The following BTBD19 variants were observed in gnomAD, a reference collection of about 807,000 sequenced individuals.
BTBD19 encodes BTB domain containing 19, also known as BTB/POZ domain-containing protein 19.
A neutral mutation model predicts 36.1 loss-of-function variants in BTBD19; 20 were observed. The ratio of observed to expected loss-of-function variants is 0.55; its 90% confidence interval spans 0.39 to 0.80. The LOEUF is 0.80. Ranked by LOEUF, BTBD19 falls within the 30% of genes least tolerant of loss-of-function variation. The probability of loss-of-function intolerance (pLI) is 0.00; values close to 1 mark genes in which losing one functional copy is unlikely to be tolerated. For missense variants in BTBD19, 325 were observed against 389.8 expected (o/e 0.83, Z 1.40); for synonymous variants, 157 against 174.3 (o/e 0.90, Z 0.78).
downstream of BTBD19, chr1:44,814,227 T>TTTCCTTCCTTCC (rs71587724): frequency 6.5e-5 from 7 of 107,106 alleles, no homozygotes; most frequent in African/African-American, 2.4e-4. Flanking sequence ...TTTCTTTCTC[T>TTTCCTTCCTTCC]TTCCTTCCTT....
Position 44,810,087 on chromosome 1 carries a change from A to C in BTBD19, c.87-126A>C, listed in dbSNP as rs1465665860. ...CTTTGGGTCCCAGACCTTCTGCTGG[A>C]GGGACGAAGCCCTGTCTCTTACATT... On this transcript the variant is annotated intron_variant, in intron 1 of 7. Coordinates refer to ENST00000450269, the Ensembl canonical transcript of BTBD19. The surrounding 1 kb of genome is among the most constrained non-coding windows in gnomAD (Gnocchi z 4.2). 4 of 833,564 alleles carry C rather than the reference A, an allele frequency of 4.8e-6. No homozygotes were observed. Among genetic ancestry groups the C allele is most frequent in the Non-Finnish European group, 5.7e-6 (3 of 523,564 alleles). 51.6% of individuals were successfully genotyped at this position (833,564 alleles called of 1,614,324 possible).
rs115862228 is a variant in BTBD19 at position 44,809,887 on chromosome 1, T to A, written c.87-326T>A. 4.2e-3 allele frequency among the ~76,000 whole-genome samples: 638 copies of A among 152,248 alleles called. 4 individuals carry two copies. Among genetic ancestry groups the A allele is most frequent in the Admixed American group, 6.9e-3 (106 of 15,292 alleles). Reference sequence around the variant, plus strand: ...CTGGGGAGGAGAGGGGAAGGTGGGATCAACCTTGCTTCTATTAGCCCAGAT... The same window carrying A: ...CTGGGGAGGAGAGGGGAAGGTGGGAACAACCTTGCTTCTATTAGCCCAGAT... On this transcript the variant is annotated intron_variant, in intron 1 of 7. Coordinates refer to ENST00000450269, the Ensembl canonical transcript of BTBD19.
chr1:44,811,629 C>T (rs1652418780), intron 3 of BTBD19: 2 of 217,316 alleles, frequency 9.2e-6, no homozygotes, highest in Admixed American at 9.7e-5. Context: ...GTGGAGAGGA[C>T]TCGCTAGTCC....
intron 1 of BTBD19, among the ~76,000 whole-genome samples, chr1:44,809,780 C>G (rs114160820): frequency 0.017 from 2,549 of 152,278 alleles, 69 homozygotes; most frequent in African/African-American, 0.059. Flanking sequence ...ACCCTCCTGT[C>G]TGGAGGAGGG....
chr1:44,813,724 C>T lies in BTBD19; in HGVS notation c.828C>T (p.Gly276=), dbSNP rs1045978209. ...GCGCCCCGTGTCGCCGCCGGAGAGG[C>T]ACCCTGCCCCGGGAGCATCACCGCT... The change falls in exon 8 of 8, where the codon GGC becomes GGT. Residue 276 remains glycine, a synonymous_variant. Transcript: ENST00000450269. This position sits in a 1 kb window ranked among gnomAD's most constrained non-coding sequence, Gnocchi z 7.8. The T allele has an allele frequency of 1.9e-6, 3 of 1,551,412 alleles. No homozygotes were observed. The Admixed American group carries it at 5.9e-5, about 30-fold the overall frequency.
At position 44,810,633 on chromosome 1, in the gene BTBD19, C is replaced by G; in HGVS notation, c.354+26C>G. Reference sequence around the variant, plus strand: ...GTGGGTTTTTGTGCCAGGTCCCTGTCTCATTTCCCTTGCTTCTCACGGGCT... The same window carrying G: ...GTGGGTTTTTGTGCCAGGTCCCTGTGTCATTTCCCTTGCTTCTCACGGGCT... On this transcript the variant is annotated intron_variant, in intron 3 of 7. Coordinates refer to ENST00000450269, the Ensembl canonical transcript of BTBD19. This position sits in a 1 kb window ranked among gnomAD's most constrained non-coding sequence, Gnocchi z 4.2. 2.0e-6 allele frequency: 3 copies of G among 1,521,372 alleles called. No homozygotes were observed. Among genetic ancestry groups the G allele is most frequent in the South Asian group, 1.3e-5 (1 of 79,876 alleles). The allele number at this position is 1,521,372 out of a possible 1,614,324, so 94.2% of individuals were successfully genotyped here. A position where few individuals can be genotyped will look rare whatever the true frequency, so the allele number is the denominator to read the frequency against.
At position 44,813,881 on chromosome 1, in the gene BTBD19, C is replaced by T. The variant is rs1388701502; in HGVS notation, c.*109C>T. On this transcript the variant is annotated 3_prime_UTR_variant, in exon 8 of 8. Transcript: ENST00000450269. The surrounding 1 kb of genome is among the most constrained non-coding windows in gnomAD (Gnocchi z 7.8). ...GGAGCGGGCTTCCGTTCCCAGCGTG[C>T]CCAGTGAGCCGGGCGCCGGAAGAAC... The T allele has an allele frequency of 3.4e-6, 5 of 1,465,100 alleles. No homozygotes were observed. The highest frequency in any genetic ancestry group is 1.4e-5 in the African/African-American group (1 of 71,220). 90.8% of individuals were successfully genotyped at this position (1,465,100 alleles called of 1,614,324 possible).
chr1:44,814,227 T>TTTCCTTCCTTCCTTCC (rs71587724), downstream of BTBD19: 3 of 107,166 alleles, frequency 2.8e-5, no homozygotes, highest in African/African-American at 1.2e-4. Flanking sequence ...TTTCTTTCTC[T>TTTCCTTCCTTCCTTCC]TTCCTTCCTT....
At chr1:44,812,533 G>A (rs1175517341) in intron 4 of BTBD19, 2 of 438,288 alleles carry the variant, frequency 4.6e-6, no homozygotes, top group South Asian at 3.2e-5. Context: ...GTGAAACCCT[G>A]TCTCTATTAA....
Position 44,813,215 on chromosome 1 carries a change from C to G in BTBD19, c.561C>G (p.Cys187Trp), listed in dbSNP as rs768411813. ...CCCTGCTCCGCAGCGACAAGCTCTGCGTGGACGAGGCTGAACTGGTCCGCG... is the reference window on the plus strand; with the variant it reads ...CCCTGCTCCGCAGCGACAAGCTCTGGGTGGACGAGGCTGAACTGGTCCGCG... The change falls in exon 6 of 8, where the codon TGC (cysteine) becomes TGG (tryptophan). Residue 187 changes from cysteine (C) to tryptophan (W), a missense_variant. Coordinates refer to ENST00000450269, the Ensembl canonical transcript of BTBD19. This position sits in a 1 kb window ranked among gnomAD's most constrained non-coding sequence, Gnocchi z 7.8. The G allele has an allele frequency of 1.9e-6, 3 of 1,544,194 alleles. No individual in the cohort carries two copies. In the South Asian group the frequency reaches 3.6e-5, roughly 18 times the overall value.
downstream of BTBD19, chr1:44,814,667 C>T (rs1392644863): frequency 6.6e-6 from 1 of 151,486 alleles, no homozygotes; most frequent in East Asian, 1.9e-4. Context: ...ATTCTCGTGC[C>T]TCAGCCTCCT....
chr1:44,814,206 C>CTT (rs1245870697), downstream of BTBD19: 1,773 of 136,904 alleles, frequency 0.013, 45 homozygotes, highest in African/African-American at 0.053. Flanking sequence ...TTCTTTCTTT[C>CTT]TTTCTTTTTC....
Position 44,813,647 on chromosome 1 carries a change from A to T in BTBD19, c.751A>T (p.Ile251Phe), listed in dbSNP as rs1652544104. 1 of 1,550,028 alleles carries T rather than the reference A, an allele frequency of 6.5e-7. No homozygotes were observed. The highest frequency in any genetic ancestry group is 2.4e-5 in the East Asian group (1 of 40,846). Reference sequence around the variant, plus strand: ...TGGCCTTGCTCTGCAGGTGGAGCAGATTGTGGAGGCGTGGAAATGCCATGC... The same window carrying T: ...TGGCCTTGCTCTGCAGGTGGAGCAGTTTGTGGAGGCGTGGAAATGCCATGC... The change falls in exon 8 of 8, where the codon ATT (isoleucine) becomes TTT (phenylalanine). Residue 251 changes from isoleucine (I) to phenylalanine (F), a missense_variant. Ile to Phe is a conservative substitution (Grantham distance 21). Coordinates refer to ENST00000450269, the Ensembl canonical transcript of BTBD19. This position sits in a 1 kb window ranked among gnomAD's most constrained non-coding sequence, Gnocchi z 7.8.
Position 44,813,205 on chromosome 1 carries a change from A to T in BTBD19, c.551A>T (p.Asp184Val). 1 of 1,545,426 alleles carries T rather than the reference A, an allele frequency of 6.5e-7. No homozygotes were observed. Among genetic ancestry groups the T allele is most frequent in the Non-Finnish European group, 8.7e-7 (1 of 1,145,082 alleles). The change falls in exon 6 of 8, where the codon GAC becomes GTC. Residue 184 changes from aspartate to valine, a missense_variant. Physicochemically the swap from Asp to Val is radical, Grantham distance 152. Transcript: ENST00000450269. The surrounding 1 kb of genome is among the most constrained non-coding windows in gnomAD (Gnocchi z 7.8). ...GCGCTGCTGCCCCTGCTCCGCAGCG[A>T]CAAGCTCTGCGTGGACGAGGCTGAA... is the stretch of plus-strand genomic sequence containing the variant.
At chr1:44,808,618 G>C (rs997662046) in exon 1 of BTBD19, 5 of 428,568 alleles carry the variant, frequency 1.2e-5, no homozygotes, top group African/African-American at 1.0e-4. Context: ...CCCCCTCCCT[G>C]TGTCTGTTCC....
At position 44,812,416 on chromosome 1, in the gene BTBD19, T is replaced by G. The variant is rs575299308; in HGVS notation, c.414+318T>G. ...AAAGGGTGGCTGTAGACTTTAGAAG[T>G]CAAGCTGGGTCAGGCACAACGGCTC... On this transcript the variant is annotated intron_variant, in intron 4 of 7. Transcript: ENST00000450269. 1.8e-4 allele frequency: 84 copies of G among 454,848 alleles called. 1 individual carries two copies. Among genetic ancestry groups the G allele is most frequent in the South Asian group, 1.2e-3 (80 of 64,482 alleles). 28.2% of individuals were successfully genotyped at this position (454,848 alleles called of 1,614,324 possible).
intron 3 of BTBD19, chr1:44,811,675 G>A: frequency 3.6e-6 from 1 of 279,170 alleles, no homozygotes; most frequent in Non-Finnish European, 7.4e-6. Flanking sequence ...AGAGATGAGA[G>A]ATGTCACGGA....
Position 44,810,640 on chromosome 1 carries a change from C to G in BTBD19, c.354+33C>G. The stretch of plus-strand genomic sequence containing the variant: ...TTTGTGCCAGGTCCCTGTCTCATTT[C>G]CCTTGCTTCTCACGGGCTCACTTCC... On this transcript the variant is annotated intron_variant, in intron 3 of 7. Coordinates refer to ENST00000450269, the Ensembl canonical transcript of BTBD19. The surrounding 1 kb of genome is among the most constrained non-coding windows in gnomAD (Gnocchi z 4.2). 2 of 1,512,954 alleles carry G rather than the reference C, an allele frequency of 1.3e-6. No homozygotes were observed. The highest frequency in any genetic ancestry group is 1.8e-6 in the Non-Finnish European group (2 of 1,125,766). 93.7% of individuals were successfully genotyped at this position (1,512,954 alleles called of 1,614,324 possible).
At chr1:44,814,076 T>C in exon 8 of BTBD19, 1 of 552,234 alleles carries the variant, frequency 1.8e-6, no homozygotes. Context: ...CATTGTCGTC[T>C]ACTAGTCTAT....
Sources: gnomAD v4.1 joint callset for allele counts (sites outside exome capture counted in the v4.1 genomes callset) on GRCh38, gnomAD v4.1.1 for gene constraint, Gnocchi (gnomAD v3.1) non-coding constraint, MANE v1.5 for transcripts, NCBI Gene and HGNC (gene_info 2026-07-23, HGNC 2026-07-21) for gene names.